The following RPS6KA2 variants were observed in gnomAD, a reference collection of about 807,000 sequenced individuals.
RPS6KA2 encodes the protein ribosomal protein S6 kinase alpha-2.
A neutral mutation model predicts 91.8 loss-of-function variants in RPS6KA2; 42 were observed. The ratio of observed to expected loss-of-function variants is 0.46; its 90% CI spans 0.36 to 0.59. The LOEUF is 0.59. Among genes scored for constraint, RPS6KA2 ranks in the 20% least tolerant of loss-of-function variants. The pLI is 0.00. For missense variants in RPS6KA2, 798 were observed against 978.5 expected (o/e 0.82, Z 2.46); for synonymous variants, 414 against 393.6 (o/e 1.05, Z -0.61).
rs79817640 is a variant in RPS6KA2 at position 166,557,468 on chromosome 6, G to A, written c.100-18684C>T. Among the ~76,000 whole-genome samples, 4 of 152,348 alleles carry A rather than the reference G, an allele frequency of 2.6e-5. No individual in the cohort carries two copies. The highest frequency in any genetic ancestry group is 4.4e-5 in the Non-Finnish European group (3 of 68,030). ...ACCTGAAGTTCTGTTTACAGGGATT[G>A]AGAGAAATGAATGGATTGAATTATG... On this transcript the variant is annotated intron_variant, in intron 1 of 20. Transcript: ENST00000265678. This position sits in a 1 kb window ranked among gnomAD's most constrained non-coding sequence, Gnocchi z 4.8.
chr6:166,657,757 C>T (rs1788044962), intron 2 of RPS6KA2, among the ~76,000 whole-genome samples: 1 of 152,210 alleles, frequency 6.6e-6, no homozygotes, highest in Non-Finnish European at 1.5e-5. Context: ...GCAGATTTCG[C>T]TCACTTGAGA....
Position 166,415,679 on chromosome 6 carries a change from G to T in RPS6KA2, c.1939-1748C>A, listed in dbSNP as rs774634459. ...TTCCAGACACACCACCAGCACCCACGTCCTAGTCTGAGGCTCTATTTTGGG... is the reference window on the plus strand; with the variant it reads ...TTCCAGACACACCACCAGCACCCACTTCCTAGTCTGAGGCTCTATTTTGGG... On this transcript the variant is annotated intron_variant, in intron 19 of 20. Coordinates refer to ENST00000265678, the MANE Select transcript of RPS6KA2 (RefSeq NM_021135.6). 3.3e-5 allele frequency among the ~76,000 whole-genome samples: 5 copies of T among 152,052 alleles called. No individual in the cohort carries two copies. In the South Asian group the frequency reaches 1.0e-3, roughly 32 times the overall value.
intron 2 of RPS6KA2, among the ~76,000 whole-genome samples, chr6:166,851,950 A>G (rs1780755592): frequency 6.6e-6 from 1 of 152,160 alleles, no homozygotes; most frequent in South Asian, 2.1e-4. Flanking sequence ...ATGCTGTCCC[A>G]ATCTTCTTTA....
chr6:166,527,000 T>A (rs1219074637), intron 3 of RPS6KA2, among the ~76,000 whole-genome samples: 3 of 152,230 alleles, frequency 2.0e-5, no homozygotes, highest in Non-Finnish European at 4.4e-5. Flanking sequence ...AGGAGCCGTT[T>A]CTCAAGGACA....
intron 2 of RPS6KA2, among the ~76,000 whole-genome samples, chr6:166,646,665 C>T (rs530271196): frequency 1.3e-5 from 2 of 152,364 alleles, no homozygotes; most frequent in East Asian, 3.9e-4. Flanking sequence ...TTCTTCGTTT[C>T]ACCAGGGGCT....
At chr6:166,450,665 GGGGACCACCACAGGGACCACCACA>G (rs1202733791) in intron 13 of RPS6KA2, among the ~76,000 whole-genome samples, 1 of 144,868 alleles carries the variant, frequency 6.9e-6, no homozygotes, top group African/African-American at 2.6e-5. Flanking sequence ...AGACCACCAT[GGGGACCACCACAGGGACCACCACA>G]GGGACCACCA....
intron 2 of RPS6KA2, among the ~76,000 whole-genome samples, chr6:166,715,888 AT>A (rs1789995741): frequency 6.6e-6 from 1 of 151,994 alleles, no homozygotes; most frequent in Non-Finnish European, 1.5e-5. Flanking sequence ...AAATACAAAA[AT>A]TAGCTGGGCA....
chr6:166,492,626 CA>C (rs1342929394), intron 8 of RPS6KA2, among the ~76,000 whole-genome samples: 4 of 152,170 alleles, frequency 2.6e-5, no homozygotes, highest in South Asian at 2.1e-4. Context: ...CCTTGTTACA[CA>C]AATGGTGCCT....
chr6:166,581,499 T>C (rs2128516047), intron 1 of RPS6KA2, among the ~76,000 whole-genome samples: 1 of 152,198 alleles, frequency 6.6e-6, no homozygotes, highest in East Asian at 1.9e-4. Flanking sequence ...AGTGCTCAGG[T>C]GGGTTCGGCA....
chr6:166,608,270 GAGTCCCCCAGAGGGT>G (rs1445456853), intron 1 of RPS6KA2, among the ~76,000 whole-genome samples: 7 of 152,164 alleles, frequency 4.6e-5, no homozygotes, highest in African/African-American at 1.7e-4. Context: ...TTTTGAAACA[GAGTCCCCCAGAGGGT>G]AGACAACGCT....
At chr6:166,525,615 C>T (rs758107661) in intron 3 of RPS6KA2, among the ~76,000 whole-genome samples, 2 of 152,198 alleles carry the variant, frequency 1.3e-5, no homozygotes, top group Non-Finnish European at 2.9e-5. Flanking sequence ...CAATCAGCCA[C>T]GGTTTGGAGA....
intron 2 of RPS6KA2, among the ~76,000 whole-genome samples, chr6:166,771,780 G>T (rs1265793221): frequency 6.6e-6 from 1 of 152,216 alleles, no homozygotes; most frequent in Non-Finnish European, 1.5e-5. Flanking sequence ...AATGAAATGA[G>T]GCTAACAGGA....
At chr6:166,742,573 C>A (rs573798303) in intron 2 of RPS6KA2, among the ~76,000 whole-genome samples, 1 of 152,170 alleles carries the variant, frequency 6.6e-6, no homozygotes, top group African/African-American at 2.4e-5. Context: ...GCGGTGGCCA[C>A]GGGAGGGGAG....
chr6:166,630,786 T>C (rs1262990300), upstream of RPS6KA2, among the ~76,000 whole-genome samples: 2 of 152,246 alleles, frequency 1.3e-5, no homozygotes, highest in Non-Finnish European at 2.9e-5. Context: ...AGGAATCCTT[T>C]TCCTGGGCTG....
intron 2 of RPS6KA2, among the ~76,000 whole-genome samples, chr6:166,800,235 G>T (rs569620580): frequency 8.5e-5 from 13 of 152,314 alleles, no homozygotes; most frequent in African/African-American, 2.9e-4. Flanking sequence ...CAGGAGGCCG[G>T]CAAAGAGGCT....
chr6:166,571,225 A>G (rs1784677485), intron 1 of RPS6KA2, among the ~76,000 whole-genome samples: 1 of 152,234 alleles, frequency 6.6e-6, no homozygotes, highest in African/African-American at 2.4e-5. Context: ...CATGAAATTC[A>G]TCAGGTGAAA....
At chr6:166,658,677 G>A (rs1240215609) in intron 2 of RPS6KA2, among the ~76,000 whole-genome samples, 2 of 152,190 alleles carry the variant, frequency 1.3e-5, no homozygotes, top group African/African-American at 4.8e-5. Context: ...AAAACATGCG[G>A]GATGGGAGTG....
intron 1 of RPS6KA2, among the ~76,000 whole-genome samples, chr6:166,596,971 G>A (rs1002244948): frequency 2.0e-5 from 3 of 152,122 alleles, no homozygotes; most frequent in East Asian, 3.9e-4. Context: ...CCACAGATGC[G>A]CCAGTTGGGA....
chr6:166,628,241 G>C (rs1488449526), upstream of RPS6KA2, among the ~76,000 whole-genome samples: 2 of 152,078 alleles, frequency 1.3e-5, no homozygotes, highest in East Asian at 3.9e-4. Context: ...TGCTCACCAA[G>C]GGCTGCAGCA....
Sources: allele counts gnomAD v4.1 joint callset (sites outside exome capture counted in the v4.1 genomes callset), GRCh38; gene constraint gnomAD v4.1.1; non-coding constraint Gnocchi (gnomAD v3.1); transcripts MANE v1.5; gene names NCBI Gene and HGNC (gene_info 2026-07-23, HGNC 2026-07-21).